The following FAM193A variants were observed in gnomAD, a reference collection of about 807,000 sequenced individuals.
FAM193A encodes the protein family with sequence similarity 193 member A, also known as protein FAM193A.
FAM193A carries 22 observed loss-of-function variants against 126.5 expected under a neutral mutation model. The ratio of observed to expected loss-of-function variants is 0.17; its 90% CI spans 0.12 to 0.25. The LOEUF (loss-of-function observed/expected upper bound fraction) is 0.25, where lower values mean the gene tolerates loss of function less well. Ranked by LOEUF, FAM193A falls within the 10% of genes least tolerant of loss-of-function variation. The pLI is 1.00. For missense variants in FAM193A, 1,675 were observed against 1,672.8 expected, an observed-to-expected ratio of 1.00 and a Z score of -0.02; for synonymous variants, 761 against 646.8, an observed-to-expected ratio of 1.18 and a Z score of -2.68.
intron 7 of FAM193A, among the ~76,000 whole-genome samples, chr4:2,650,880 C>T (rs1745597792): frequency 6.6e-6 from 1 of 152,142 alleles, no homozygotes; most frequent in Admixed American, 6.5e-5. Context: ...TGCCTTTGGC[C>T]CAGAGAACGC....
At chr4:2,694,697 A>G (rs1560578100) in intron 16 of FAM193A, among the ~76,000 whole-genome samples, 1 of 152,164 alleles carries the variant, frequency 6.6e-6, no homozygotes, top group Non-Finnish European at 1.5e-5. Context: ...TGGAGAGACT[A>G]CGTGTTCCTG....
chr4:2,593,867 CTTT>C (rs370535103), intron 1 of FAM193A, among the ~76,000 whole-genome samples: 2 of 140,652 alleles, frequency 1.4e-5, no homozygotes, highest in African/African-American at 2.6e-5. Context: ...ATCAGTGTGC[CTTT>C]TTTTTTTTTT....
intron 8 of FAM193A, among the ~76,000 whole-genome samples, chr4:2,659,220 C>T (rs1167131320): frequency 1.3e-5 from 2 of 152,214 alleles, no homozygotes; most frequent in Non-Finnish European, 2.9e-5. Context: ...TGCCACTTTT[C>T]ATTCCTACAG....
intron 20 of FAM193A, among the ~76,000 whole-genome samples, chr4:2,716,800 C>T (rs906152449): frequency 2.0e-5 from 3 of 152,048 alleles, no homozygotes; most frequent in African/African-American, 2.4e-5. Context: ...CCTCAGCCTC[C>T]AGACTAGCTG....
At chr4:2,693,956 C>T (rs567616416) in intron 16 of FAM193A, 82 bp downstream of exon 16, 1 of 1,402,752 alleles carries the variant, frequency 7.1e-7, no homozygotes, top group African/African-American at 1.4e-5. Flanking sequence ...CAGAAACTCC[C>T]CTGGGACCAT....
At chr4:2,687,365 C>T (rs937680236) in intron 13 of FAM193A, among the ~76,000 whole-genome samples, 1 of 152,230 alleles carries the variant, frequency 6.6e-6, no homozygotes, top group Non-Finnish European at 1.5e-5. Context: ...TCAACTCTTA[C>T]CATACCCCTG....
intron 19 of FAM193A, among the ~76,000 whole-genome samples, chr4:2,701,570 G>T (rs1717735181): frequency 6.6e-6 from 1 of 152,140 alleles, no homozygotes; most frequent in Non-Finnish European, 1.5e-5. Flanking sequence ...GACGGTGTCT[G>T]TCCCATCACT....
chr4:2,619,164 T>C (rs1278419819), intron 2 of FAM193A, among the ~76,000 whole-genome samples: 1 of 152,236 alleles, frequency 6.6e-6, no homozygotes, highest in African/African-American at 2.4e-5. Context: ...TTTATTTATT[T>C]ATTGACATCT....
intron 1 of FAM193A, among the ~76,000 whole-genome samples, chr4:2,567,612 C>T (rs1739046114): frequency 6.6e-6 from 1 of 152,036 alleles, no homozygotes; most frequent in Admixed American, 6.6e-5. Context: ...TTATTTTCAT[C>T]TCATTGTATG....
intron 20 of FAM193A, 52 bp from the exon 21 acceptor site, chr4:2,731,723 C>A: frequency 1.4e-6 from 2 of 1,413,782 alleles, no homozygotes; most frequent in Non-Finnish European, 2.0e-6. Flanking sequence ...CAAGCACCAG[C>A]TTGGTTGTGG....
chr4:2,645,026 A>G (rs1386858450), intron 6 of FAM193A, among the ~76,000 whole-genome samples: 1 of 115,102 alleles, frequency 8.7e-6, no homozygotes, highest in African/African-American at 3.5e-5. Flanking sequence ...ATGTGTATAT[A>G]TACATGAATG....
At chr4:2,588,257 C>G (rs962186236) in intron 1 of FAM193A, among the ~76,000 whole-genome samples, 1 of 152,186 alleles carries the variant, frequency 6.6e-6, no homozygotes, top group Non-Finnish European at 1.5e-5. Flanking sequence ...GGACCTTGGC[C>G]CTTTCCCTGT....
intron 1 of FAM193A, among the ~76,000 whole-genome samples, chr4:2,545,650 T>C (rs1404369900): frequency 6.6e-6 from 1 of 152,128 alleles, no homozygotes; most frequent in Non-Finnish European, 1.5e-5. Context: ...ATATGCTAAT[T>C]TTTAGAAATT....
chr4:2,730,705 GCTT>G (rs1314606698), intron 20 of FAM193A, among the ~76,000 whole-genome samples: 3 of 148,438 alleles, frequency 2.0e-5, no homozygotes, highest in African/African-American at 7.4e-5. Context: ...AAAAAAAAAA[GCTT>G]CTTGGCCAGG....
At chr4:2,716,778 G>C (rs1414243472) in intron 20 of FAM193A, among the ~76,000 whole-genome samples, 1 of 152,222 alleles carries the variant, frequency 6.6e-6, no homozygotes, top group East Asian at 1.9e-4. Flanking sequence ...CCGGGTTCAA[G>C]CAATTCTCCT....
rs574858612 is a variant in FAM193A at position 2,695,123 on chromosome 4, C to T, written c.3270C>T (p.His1090=). 44 of 1,596,026 alleles carry T rather than the reference C, an allele frequency of 2.8e-5. No homozygotes were observed. The highest frequency in any genetic ancestry group is 2.5e-4 in the East Asian group (11 of 44,126). ...CDCCYCEFFG[H]GGPPAAPTSR... ...GCTGCTACTGCGAATTCTTTGGGCACGGCGGGGTGAGTGCATGAGGTCAGC... is the reference window on the plus strand; with the variant it reads ...GCTGCTACTGCGAATTCTTTGGGCATGGCGGGGTGAGTGCATGAGGTCAGC... The change falls in exon 17 of 21, where the codon CAC becomes CAT. Residue 1090 remains histidine, a synonymous_variant. Transcript: ENST00000637812.
chr4:2,728,238 A>ATTT lies in FAM193A; in HGVS notation c.4455-3514_4455-3512dup, dbSNP rs58609064. On this transcript the variant is annotated intron_variant, in intron 20 of 20. Coordinates refer to ENST00000637812, the MANE Select transcript of FAM193A (RefSeq NM_001366318.2). Reference sequence around the variant, plus strand: ...GGCGTGAGCTGCCACACCCGGCCCAATTTTTTTTTTTTTTTTTTTTTTTTT... The same window carrying ATTT: ...GGCGTGAGCTGCCACACCCGGCCCAATTTTTTTTTTTTTTTTTTTTTTTTTTTT... 4.0e-3 allele frequency among the ~76,000 whole-genome samples: 325 copies of ATTT among 81,986 alleles called. 1 individual carries two copies. The highest frequency in any genetic ancestry group is 9.6e-3 in the Middle Eastern group (1 of 104). The allele number at this position is 81,986 out of a possible 152,430, so 53.8% of individuals were successfully genotyped here.
At chr4:2,702,187 A>G (rs1299250045) in intron 19 of FAM193A, among the ~76,000 whole-genome samples, 2 of 152,182 alleles carry the variant, frequency 1.3e-5, no homozygotes, top group East Asian at 3.8e-4. Context: ...ATCAGGATAG[A>G]TCCACGAAGT....
At chr4:2,637,633 T>A (rs996392190) in intron 5 of FAM193A, among the ~76,000 whole-genome samples, 5 of 152,258 alleles carry the variant, frequency 3.3e-5, no homozygotes, top group Non-Finnish European at 7.3e-5. Flanking sequence ...TTTCTGCCTC[T>A]AGCTCAGCAG....
Sources: allele counts gnomAD v4.1 joint callset (sites outside exome capture counted in the v4.1 genomes callset), GRCh38; gene constraint gnomAD v4.1.1; transcripts MANE v1.5; gene names NCBI Gene and HGNC (gene_info 2026-07-23, HGNC 2026-07-21).